GRIN2B: variants seen among roughly 807,000 people sequenced by gnomAD.
GRIN2B encodes the protein glutamate receptor ionotropic, NMDA 2B.
A neutral mutation model predicts 114.5 loss-of-function variants in GRIN2B; 5 were observed. The ratio of observed to expected loss-of-function variants is 0.04; its 90% CI spans 0.02 to 0.09. The LOEUF is 0.09. Ranked by LOEUF, GRIN2B falls within the 10% of genes least tolerant of loss-of-function variation. The pLI is 1.00. For synonymous variants in GRIN2B, 787 were observed against 745.1 expected (o/e 1.06, Z -0.92); for missense variants, 1,108 against 1,943.5 (o/e 0.57, Z 8.08).
chr12:13,959,816 AT>A (rs1309785317), intron 2 of GRIN2B, among the ~76,000 whole-genome samples: 5 of 145,246 alleles, frequency 3.4e-5, no homozygotes, highest in African/African-American at 5.2e-5. Context: ...TTGGGAGAAC[AT>A]GCCAGGAGAG....
chr12:13,891,231 G>A (rs948199479), intron 2 of GRIN2B, among the ~76,000 whole-genome samples: 1 of 152,158 alleles, frequency 6.6e-6, no homozygotes, highest in African/African-American at 2.4e-5. Context: ...GCAAATCTGT[G>A]TTTTCTGCCA....
intron 4 of GRIN2B, among the ~76,000 whole-genome samples, chr12:13,718,635 T>C (rs1000996313): frequency 5.3e-5 from 8 of 152,040 alleles, no homozygotes; most frequent in Non-Finnish European, 8.8e-5. Flanking sequence ...ACTATAATGT[T>C]GCCTTGCACA....
At chr12:13,597,991 C>T (rs964717297) in intron 10 of GRIN2B, among the ~76,000 whole-genome samples, 2 of 152,214 alleles carry the variant, frequency 1.3e-5, no homozygotes, top group African/African-American at 2.4e-5. Flanking sequence ...TCTTACAGAT[C>T]CTGCATTCAT....
At chr12:13,812,062 G>GA (rs1864739810) in intron 3 of GRIN2B, among the ~76,000 whole-genome samples, 1 of 152,072 alleles carries the variant, frequency 6.6e-6, no homozygotes, top group South Asian at 2.1e-4. Context: ...AGTCTCAAAA[G>GA]AAAAAAAGTA....
At chr12:13,795,690 C>T (rs1864407506) in intron 3 of GRIN2B, among the ~76,000 whole-genome samples, 3 of 152,126 alleles carry the variant, frequency 2.0e-5, no homozygotes, top group South Asian at 2.1e-4. Flanking sequence ...CCCAAATGTC[C>T]GTCAATGATA....
intron 2 of GRIN2B, among the ~76,000 whole-genome samples, chr12:13,947,501 G>A (rs1867382353): frequency 6.6e-6 from 1 of 152,044 alleles, no homozygotes; most frequent in Non-Finnish European, 1.5e-5. Flanking sequence ...GAGAAATGTG[G>A]CCCATAAAGG....
rs1863512489 is a variant in GRIN2B at position 13,753,080 on chromosome 12, A to G, written c.1010+237T>C. ...TTTTGAGGATCAAATGAAACCAAACATGCAAAACCCTTAGAGTAACATCTA... is the reference window on the plus strand; with the variant it reads ...TTTTGAGGATCAAATGAAACCAAACGTGCAAAACCCTTAGAGTAACATCTA... On this transcript the variant is annotated intron_variant, in intron 4 of 13. Coordinates refer to ENST00000609686, the MANE Select transcript of GRIN2B (RefSeq NM_000834.5). This position sits in a 1 kb window ranked among gnomAD's most constrained non-coding sequence, Gnocchi z 6.2. 6.6e-6 allele frequency among the ~76,000 whole-genome samples: 1 copy of G among 152,244 alleles called. No individual in the cohort carries two copies.
chr12:13,615,064 C>T lies in GRIN2B; in HGVS notation c.1654+50G>A, dbSNP rs200267867. 4 of 1,532,826 alleles carry T rather than the reference C, an allele frequency of 2.6e-6. No homozygotes were observed. The highest frequency in any genetic ancestry group is 2.2e-5 in the East Asian group (1 of 44,452). The allele number at this position is 1,532,826 out of a possible 1,614,324, so 95.0% of individuals were successfully genotyped here. On this transcript the variant is annotated intron_variant, in intron 8 of 13. Coordinates refer to ENST00000609686, the MANE Select transcript of GRIN2B (RefSeq NM_000834.5). This position sits in a 1 kb window ranked among gnomAD's most constrained non-coding sequence, Gnocchi z 5.8. Reference sequence around the variant, plus strand: ...ATGTGCTCCTTTTTTCCTTATTTCACTTCCCCATCCATACGTCCATTTCCT... The same window carrying T: ...ATGTGCTCCTTTTTTCCTTATTTCATTTCCCCATCCATACGTCCATTTCCT...
At chr12:13,839,769 G>A (rs989314436) in intron 3 of GRIN2B, among the ~76,000 whole-genome samples, 5 of 152,132 alleles carry the variant, frequency 3.3e-5, no homozygotes, top group Non-Finnish European at 7.3e-5. Flanking sequence ...CCAAAGAACC[G>A]AGAACAATGT....
chr12:13,575,018 C>T (rs2136419693), intron 10 of GRIN2B, among the ~76,000 whole-genome samples: 1 of 152,248 alleles, frequency 6.6e-6, no homozygotes, highest in South Asian at 2.1e-4. Context: ...TAAAAAGGAA[C>T]TTCATTTCAC....
chr12:13,776,354 C>T (rs1439158069), intron 3 of GRIN2B, among the ~76,000 whole-genome samples: 1 of 152,120 alleles, frequency 6.6e-6, no homozygotes, highest in Non-Finnish European at 1.5e-5. Context: ...ATGATCTGTG[C>T]AGCAAACCAC....
intron 4 of GRIN2B, among the ~76,000 whole-genome samples, chr12:13,717,057 T>C (rs922295306): frequency 7.4e-5 from 9 of 121,606 alleles, no homozygotes; most frequent in Non-Finnish European, 1.2e-4. Context: ...CATTGTATCA[T>C]GCCATACGCG....
chr12:13,540,118 A>G lies in GRIN2B; in HGVS notation c.*22665T>C, dbSNP rs11055515. ...GTAGATTCGCCAGTCCAAGACTCCT[A>G]CCAACAATTGGAAACCAACTGGGCA... On this transcript the variant is annotated 3_prime_UTR_variant, in exon 14 of 14. Coordinates refer to ENST00000609686, the MANE Select transcript of GRIN2B (RefSeq NM_000834.5). 0.29 allele frequency: 44,777 copies of G among 152,090 alleles called. 6,903 individuals are homozygous for G. Among genetic ancestry groups the G allele is most frequent in the East Asian group, 0.51 (2,639 of 5,150 alleles). 9.4% of individuals were successfully genotyped at this position (152,090 alleles called of 1,614,324 possible).
At chr12:13,857,713 G>T (rs1253062872) in intron 3 of GRIN2B, among the ~76,000 whole-genome samples, 1 of 152,054 alleles carries the variant, frequency 6.6e-6, no homozygotes, top group Admixed American at 6.5e-5. Flanking sequence ...TACACTGTCT[G>T]TTGACTAGCC....
chr12:13,607,159 TATATATAAAAAATATATATAATAA>T (rs1323218375), intron 10 of GRIN2B, among the ~76,000 whole-genome samples: 6 of 119,148 alleles, frequency 5.0e-5, no homozygotes, highest in South Asian at 2.3e-4. Context: ...AAAATATATA[TATATATAAAAAATATATATAATAA>T]ATATATAAAA....
chr12:13,865,225 G>A (rs981788834), intron 3 of GRIN2B, among the ~76,000 whole-genome samples: 2 of 152,160 alleles, frequency 1.3e-5, no homozygotes, highest in Admixed American at 6.5e-5. Context: ...AGCTACAAGC[G>A]TCAACATCCC....
At position 13,561,059 on chromosome 12, in the gene GRIN2B, C is replaced by T. The variant is rs943929662; in HGVS notation, c.*1724G>A. ...GGATGGCAGGACAGTGGAACTGACCCATAGAATAAATAGCCCTACCGCAAG... is the reference window on the plus strand; with the variant it reads ...GGATGGCAGGACAGTGGAACTGACCTATAGAATAAATAGCCCTACCGCAAG... On this transcript the variant is annotated 3_prime_UTR_variant, in exon 14 of 14. Transcript: ENST00000609686. 6.6e-6 allele frequency: 1 copy of T among 152,098 alleles called. No individual in the cohort carries two copies. The highest frequency in any genetic ancestry group is 2.4e-5 in the African/African-American group (1 of 41,412). The allele number at this position is 152,098 out of a possible 1,614,324, so 9.4% of individuals were successfully genotyped here. A position where few individuals can be genotyped will look rare whatever the true frequency, so the allele number is the denominator to read the frequency against.
intron 10 of GRIN2B, among the ~76,000 whole-genome samples, chr12:13,591,179 C>G (rs943327319): frequency 6.6e-6 from 1 of 152,100 alleles, no homozygotes; most frequent in Non-Finnish European, 1.5e-5. Flanking sequence ...CTCCTACTCC[C>G]ACCTCAAAAT....
chr12:13,919,984 C>T (rs1225088896), intron 2 of GRIN2B, among the ~76,000 whole-genome samples: 2 of 152,146 alleles, frequency 1.3e-5, no homozygotes, highest in Non-Finnish European at 2.9e-5. Context: ...GCCATCAATT[C>T]AGATTTTCTC....
Sources: gnomAD v4.1 joint callset for allele counts (sites outside exome capture counted in the v4.1 genomes callset) on GRCh38, gnomAD v4.1.1 for gene constraint, Gnocchi (gnomAD v3.1) non-coding constraint, MANE v1.5 for transcripts, NCBI Gene and HGNC (gene_info 2026-07-23, HGNC 2026-07-21) for gene names.